Variants in SAXO1 observed in about 807,000 individuals in gnomAD.
The protein encoded by SAXO1 is 4930500O09Rik.
A neutral mutation model predicts 17.5 loss-of-function variants in SAXO1; 21 were observed. The ratio of observed to expected loss-of-function variants is 1.20; its 90% CI spans 0.85 to 1.72. The LOEUF (loss-of-function observed/expected upper bound fraction) is 1.72, where lower values mean the gene tolerates loss of function less well. Among genes scored for constraint, SAXO1 ranks in the 40% most tolerant of loss-of-function variants. SAXO1 has a pLI of 0.00. For missense variants in SAXO1, 843 were observed against 596.0 expected (o/e 1.41, Z -4.32); for synonymous variants, 274 against 216.5 (o/e 1.27, Z -2.33).
At chr9:19,035,059 G>C (rs1233944171), upstream of SAXO1, among the ~76,000 whole-genome samples, 5 of 152,156 alleles carry the variant, frequency 3.3e-5, no homozygotes, top group African/African-American at 1.2e-4. Flanking sequence ...TATACCTAAA[G>C]ATCAGTGCTA....
intron 2 of SAXO1, among the ~76,000 whole-genome samples, chr9:18,946,567 C>A (rs1364438484): frequency 6.6e-6 from 1 of 151,512 alleles, no homozygotes; most frequent in Non-Finnish European, 1.5e-5. Context: ...GGAATGCAAA[C>A]AAACATCTAA....
intron 3 of SAXO1, among the ~76,000 whole-genome samples, chr9:18,939,345 T>C (rs1458413751): frequency 6.6e-6 from 1 of 152,168 alleles, no homozygotes; most frequent in East Asian, 1.9e-4. Flanking sequence ...TGGACTCCTG[T>C]GTGGTGCCTG....
chr9:19,004,756 T>A (rs1412738748), intron 1 of SAXO1, among the ~76,000 whole-genome samples: 1 of 152,094 alleles, frequency 6.6e-6, no homozygotes, highest in African/African-American at 2.4e-5. Flanking sequence ...CTGGGAGAAA[T>A]ACCTAATGTA....
intron 1 of SAXO1, among the ~76,000 whole-genome samples, chr9:18,979,184 G>C (rs1355169430): frequency 2.6e-5 from 4 of 152,046 alleles, no homozygotes; most frequent in Admixed American, 6.6e-5. Flanking sequence ...AAAAACCCAA[G>C]ATTGAGATAG....
chr9:19,013,444 A>G (rs1834839561), intron 1 of SAXO1, among the ~76,000 whole-genome samples: 1 of 151,804 alleles, frequency 6.6e-6, no homozygotes, highest in African/African-American at 2.4e-5. Flanking sequence ...GATAGAACAC[A>G]TCCTGTCTCA....
rs575449332 is a variant in SAXO1, at chr9:19,015,691, C to T, written c.38+17180G>A. ...ACTGAGTATCACTATGTGGCCCAGG[C>T]TAGTCTGAAATTCCTGGCCTCAAAC... On this transcript the variant is annotated intron_variant, in intron 1 of 3. Coordinates refer to ENST00000380534, the MANE Select transcript of SAXO1 (RefSeq NM_153707.4). Among the ~76,000 whole-genome samples, 11 of 149,068 alleles carry T rather than the reference C, an allele frequency of 7.4e-5. No individual in the cohort carries two copies. In the East Asian group the frequency reaches 2.0e-3, roughly 27 times the overall value.
chr9:18,981,432 T>C (rs1833380369), intron 1 of SAXO1, among the ~76,000 whole-genome samples: 1 of 152,210 alleles, frequency 6.6e-6, no homozygotes, highest in African/African-American at 2.4e-5. Flanking sequence ...GGCTTCCTCC[T>C]GACCCTTACC....
intron 3 of SAXO1, among the ~76,000 whole-genome samples, chr9:18,929,287 C>T (rs1830931108): frequency 1.3e-5 from 2 of 152,242 alleles, no homozygotes; most frequent in Admixed American, 1.3e-4. Context: ...CCCCACAATA[C>T]TGCATGCAGG....
At chr9:18,970,595 G>A (rs1364535764) in intron 1 of SAXO1, among the ~76,000 whole-genome samples, 2 of 152,110 alleles carry the variant, frequency 1.3e-5, no homozygotes, top group Admixed American at 6.5e-5. Context: ...CTATCTACAC[G>A]CATATGAGAT....
At chr9:19,006,819 G>GTGAGGCA (rs1834499161) in intron 1 of SAXO1, among the ~76,000 whole-genome samples, 1 of 152,330 alleles carries the variant, frequency 6.6e-6, no homozygotes, top group African/African-American at 2.4e-5. Context: ...GCTGAGGCAG[G>GTGAGGCA]AGTATCACTT....
chr9:18,945,263 G>A (rs1262830676), intron 2 of SAXO1, among the ~76,000 whole-genome samples: 1 of 152,114 alleles, frequency 6.6e-6, no homozygotes, highest in African/African-American at 2.4e-5. Context: ...GCATCACCTT[G>A]TTTTCCAGAC....
At chr9:18,964,000 A>G (rs1832608982) in intron 1 of SAXO1, among the ~76,000 whole-genome samples, 1 of 151,762 alleles carries the variant, frequency 6.6e-6, no homozygotes, top group Non-Finnish European at 1.5e-5. Context: ...AATTTTGTCA[A>G]AGGCCTTTTC....
intron 1 of SAXO1, among the ~76,000 whole-genome samples, chr9:18,969,499 T>G (rs1402924184): frequency 1.3e-5 from 2 of 152,190 alleles, no homozygotes; most frequent in African/African-American, 4.8e-5. Flanking sequence ...ACAGTAACTG[T>G]TCATGACCCA....
intron 1 of SAXO1, among the ~76,000 whole-genome samples, chr9:18,976,433 T>C (rs77299613): frequency 5.3e-4 from 80 of 152,348 alleles, no homozygotes; most frequent in Non-Finnish European, 9.1e-4. Flanking sequence ...TAGCAGCTCA[T>C]GTTGTGGCCA....
intron 1 of SAXO1, among the ~76,000 whole-genome samples, chr9:19,025,695 T>C (rs1932457): frequency 0.49 from 74,143 of 152,046 alleles, 19,929 homozygotes; most frequent in African/African-American, 0.73. Context: ...TCCTGCAAGA[T>C]TGCACAAAAT....
intron 1 of SAXO1, among the ~76,000 whole-genome samples, chr9:19,047,739 G>A (rs999053603): frequency 3.9e-5 from 6 of 152,210 alleles, no homozygotes; most frequent in Non-Finnish European, 8.8e-5. Flanking sequence ...CCAATCAAGT[G>A]TGAGGGTAAA....
intron 1 of SAXO1, among the ~76,000 whole-genome samples, chr9:19,048,456 C>CA (rs200268458): frequency 1.5e-3 from 217 of 142,702 alleles, no homozygotes; most frequent in Non-Finnish European, 1.9e-3. Context: ...GACTCCGTCT[C>CA]AAAAGAAAAA....
intron 1 of SAXO1, among the ~76,000 whole-genome samples, chr9:18,962,560 G>A (rs915831494): frequency 6.6e-6 from 1 of 151,338 alleles, no homozygotes; most frequent in East Asian, 1.9e-4. Context: ...TTGCAAAAAT[G>A]TTCTCCCATT....
chr9:19,010,668 GA>G (rs1834693526), intron 1 of SAXO1, among the ~76,000 whole-genome samples: 1 of 152,064 alleles, frequency 6.6e-6, no homozygotes. Context: ...CTCCAGAATA[GA>G]AGCAACTTAT....
Sources: gnomAD v4.1 joint callset for allele counts (sites outside exome capture counted in the v4.1 genomes callset) on GRCh38, gnomAD v4.1.1 for gene constraint, MANE v1.5 for transcripts, NCBI Gene and HGNC (gene_info 2026-07-23, HGNC 2026-07-21) for gene names.